SPON1: variants seen among roughly 807,000 people sequenced by gnomAD.
SPON1 encodes the protein spondin-1.
SPON1 carries 52 observed loss-of-function variants against 111.7 expected under a neutral mutation model. The observed-to-expected ratio is 0.47, with a 90% CI of 0.37 to 0.59. SPON1 has a LOEUF of 0.59. SPON1 is among the 20% of genes least tolerant of loss of function. The pLI is 0.00. For synonymous variants in SPON1, 410 were observed against 395.8 expected, an observed-to-expected ratio of 1.04 and a Z score of -0.43; for missense variants, 957 against 1,068.5, an observed-to-expected ratio of 0.90 and a Z score of 1.46.
At chr11:14,162,709 T>A (rs1239512888) in intron 6 of SPON1, among the ~76,000 whole-genome samples, 3 of 152,186 alleles carry the variant, frequency 2.0e-5, no homozygotes, top group African/African-American at 4.8e-5. Context: ...CAAAAGATTT[T>A]ACCAAATTAT....
chr11:14,238,725 C>T (rs1344228046), intron 6 of SPON1, among the ~76,000 whole-genome samples: 2 of 152,172 alleles, frequency 1.3e-5, no homozygotes, highest in African/African-American at 4.8e-5. Context: ...CATTTGGTAC[C>T]AGTAACTGTG....
chr11:14,224,966 G>T (rs1279044331), intron 6 of SPON1, among the ~76,000 whole-genome samples: 3 of 152,178 alleles, frequency 2.0e-5, no homozygotes, highest in Non-Finnish European at 4.4e-5. Context: ...TTGCACTAAT[G>T]TAAAGACAGT....
chr11:14,157,721 A>C (rs1847865691), intron 6 of SPON1, among the ~76,000 whole-genome samples: 1 of 151,658 alleles, frequency 6.6e-6, no homozygotes, highest in African/African-American at 2.4e-5. Flanking sequence ...TTTTTTGTAT[A>C]TTATTTATCA....
intron 2 of SPON1, among the ~76,000 whole-genome samples, chr11:13,985,360 T>G (rs1345791165): frequency 3.3e-5 from 5 of 152,268 alleles, no homozygotes; most frequent in Non-Finnish European, 5.9e-5. Flanking sequence ...TGCCAGATAC[T>G]GTTCTGAGTG....
chr11:14,201,238 G>A (rs1449816050), intron 6 of SPON1, among the ~76,000 whole-genome samples: 20 of 151,812 alleles, frequency 1.3e-4, no homozygotes, highest in African/African-American at 4.4e-4. Flanking sequence ...TACTTGGGAG[G>A]CTGAGGCAGG....
At chr11:14,160,933 T>TTA (rs1396884175) in intron 6 of SPON1, among the ~76,000 whole-genome samples, 2 of 21,420 alleles carry the variant, frequency 9.3e-5, no homozygotes, top group Admixed American at 2.1e-3. Flanking sequence ...ATTTATATAT[T>TTA]TATATATATA....
At chr11:14,119,116 C>G (rs1849286007) in intron 5 of SPON1, among the ~76,000 whole-genome samples, 1 of 152,146 alleles carries the variant, frequency 6.6e-6, no homozygotes, top group Non-Finnish European at 1.5e-5. Flanking sequence ...CCCTAACTGC[C>G]TTTTTTCTAA....
chr11:14,174,094 GT>G (rs1554932830), intron 6 of SPON1, among the ~76,000 whole-genome samples: 1 of 152,214 alleles, frequency 6.6e-6, no homozygotes, highest in Non-Finnish European at 1.5e-5. Flanking sequence ...GGCAAAGACA[GT>G]TCCCCAAAAT....
chr11:14,219,367 A>C (rs924946681), intron 6 of SPON1, among the ~76,000 whole-genome samples: 3 of 152,198 alleles, frequency 2.0e-5, no homozygotes, highest in Non-Finnish European at 2.9e-5. Context: ...TCTTTAAATC[A>C]AAGTGTAGAC....
intron 6 of SPON1, among the ~76,000 whole-genome samples, chr11:14,164,558 G>C (rs1848005422): frequency 6.6e-6 from 1 of 152,124 alleles, no homozygotes; most frequent in Admixed American, 6.6e-5. Context: ...TACGATATTT[G>C]AGGTTTCTCA....
At chr11:14,116,109 C>G (rs538900814) in intron 5 of SPON1, among the ~76,000 whole-genome samples, 1 of 152,008 alleles carries the variant, frequency 6.6e-6, no homozygotes, top group Non-Finnish European at 1.5e-5. Context: ...TTCTTATTGA[C>G]TTGTAGTAAT....
At chr11:14,049,705 AC>A (rs1387655259) in intron 3 of SPON1, among the ~76,000 whole-genome samples, 1 of 152,198 alleles carries the variant, frequency 6.6e-6, no homozygotes, top group Non-Finnish European at 1.5e-5. Context: ...AATTGGGTCC[AC>A]AGCCCTTCAT....
At position 14,075,406 on chromosome 11, in the gene SPON1, C is replaced by T; in HGVS notation, c.541C>T (p.Leu181Phe). Reference sequence around the variant, plus strand: ...AGATGAGGGCTCTCTGACCAAGAAACTTTGTGAACAAGGTAAGACCCTGTG... The same window carrying T: ...AGATGAGGGCTCTCTGACCAAGAAATTTTGTGAACAAGGTAAGACCCTGTG... ...FQDEGSLTKKLCEQDSTFDGV... is the reference protein window; with the variant it reads ...FQDEGSLTKKFCEQDSTFDGV... The change falls in exon 4 of 16, where the codon CTT becomes TTT. Residue 181 changes from leucine (L) to phenylalanine (F), a missense_variant. Leu to Phe is a conservative substitution (Grantham distance 22). This residue lies in a region of SPON1 where 262 missense variants were observed against 253.9 expected (regional missense o/e 1.03). Coordinates refer to ENST00000576479, the MANE Select transcript of SPON1 (RefSeq NM_006108.4). The T allele has an allele frequency of 1.3e-6, 2 of 1,557,820 alleles. No homozygotes were observed. The highest frequency in any genetic ancestry group is 1.7e-4 in the Middle Eastern group (1 of 5,994).
At chr11:14,182,416 C>T (rs557049260) in intron 6 of SPON1, among the ~76,000 whole-genome samples, 4 of 152,254 alleles carry the variant, frequency 2.6e-5, no homozygotes, top group South Asian at 2.1e-4. Flanking sequence ...ACAAGAGCAG[C>T]GCTTATGTCT....
chr11:13,991,296 C>T (rs923518879), intron 2 of SPON1, among the ~76,000 whole-genome samples: 2 of 152,090 alleles, frequency 1.3e-5, no homozygotes, highest in African/African-American at 4.8e-5. Flanking sequence ...TTTCTCTAAT[C>T]TTGCCTGCTC....
intron 6 of SPON1, among the ~76,000 whole-genome samples, chr11:14,176,286 C>A (rs1848174157): frequency 6.6e-6 from 1 of 152,112 alleles, no homozygotes; most frequent in Non-Finnish European, 1.5e-5. Flanking sequence ...GATCCCTAAC[C>A]AAGAGCTCCA....
At chr11:14,086,247 G>A (rs1554922597) in intron 5 of SPON1, among the ~76,000 whole-genome samples, 1 of 152,124 alleles carries the variant, frequency 6.6e-6, no homozygotes, top group Admixed American at 6.5e-5. Context: ...AATGCTTCCA[G>A]CTTTTGCCCA....
At position 14,099,861 on chromosome 11, in the gene SPON1, T is replaced by C. The variant is rs146713933; in HGVS notation, c.676+19840T>C. On this transcript the variant is annotated intron_variant, in intron 5 of 15. Transcript: ENST00000576479. ...GGCCAAGCGGAAGCAACTGATGTCA[T>C]ACGGTGAGAGAAGGAGTGAGGGACA... 1.2e-4 allele frequency among the ~76,000 whole-genome samples: 19 copies of C among 152,174 alleles called. No individual in the cohort carries two copies. The East Asian group carries it at 3.7e-3, about 29-fold the overall frequency.
chr11:14,158,054 A>C (rs1429783273), intron 6 of SPON1, among the ~76,000 whole-genome samples: 1 of 152,098 alleles, frequency 6.6e-6, no homozygotes, highest in Admixed American at 6.6e-5. Context: ...AATGCCAGAC[A>C]TGTGTATGAT....
Sources: gnomAD v4.1 joint callset for allele counts (sites outside exome capture counted in the v4.1 genomes callset) on GRCh38, gnomAD v4.1.1 for gene constraint, gnomAD v4.1.1 regional missense constraint, MANE v1.5 for transcripts, NCBI Gene and HGNC (gene_info 2026-07-23, HGNC 2026-07-21) for gene names.